Variants in CHODL observed in about 807,000 individuals in gnomAD.
CHODL encodes chondrolectin.
Under a neutral mutation model 34.5 loss-of-function variants are expected in CHODL, and 29 were observed. The ratio of observed to expected loss-of-function variants is 0.84; its 90% CI spans 0.63 to 1.15. The LOEUF (loss-of-function observed/expected upper bound fraction) is 1.15, where lower values mean the gene tolerates loss of function less well. Ranked by LOEUF, CHODL falls within the 50% of genes most tolerant of loss-of-function variation. CHODL has a pLI of 0.00. For missense variants in CHODL, 332 were observed against 332.5 expected (o/e 1.00, Z 0.01); for synonymous variants, 125 against 116.1 (o/e 1.08, Z -0.49).
chr21:18,206,298 T>C (rs565925107), intron 2 of CHODL, among the ~76,000 whole-genome samples: 1 of 152,326 alleles, frequency 6.6e-6, no homozygotes, highest in South Asian at 2.1e-4. Flanking sequence ...AATATTTGCT[T>C]TGTATATCAG....
chr21:18,055,017 C>T (rs2064561859), intron 2 of CHODL, among the ~76,000 whole-genome samples: 1 of 151,862 alleles, frequency 6.6e-6, no homozygotes, highest in African/African-American at 2.4e-5. Flanking sequence ...TTCATTGACC[C>T]TGTTTTAAAT....
At chr21:18,174,524 G>A (rs921175394) in intron 2 of CHODL, among the ~76,000 whole-genome samples, 17 of 152,152 alleles carry the variant, frequency 1.1e-4, no homozygotes, top group Admixed American at 3.3e-4. Flanking sequence ...AAGTTTATAA[G>A]CTTTTCTTAA....
intron 2 of CHODL, among the ~76,000 whole-genome samples, chr21:18,198,665 C>G (rs1212485871): frequency 6.6e-6 from 1 of 152,012 alleles, no homozygotes; most frequent in East Asian, 1.9e-4. Flanking sequence ...AAAAGACATT[C>G]CTGAGATAGA....
chr21:18,224,920 G>T (rs757922130), intron 2 of CHODL, among the ~76,000 whole-genome samples: 1 of 151,964 alleles, frequency 6.6e-6, no homozygotes, highest in Non-Finnish European at 1.5e-5. Context: ...AGGGAGGCTG[G>T]TATTATTCAT....
intron 2 of CHODL, among the ~76,000 whole-genome samples, chr21:18,112,398 A>G (rs1456220405): frequency 6.6e-6 from 1 of 152,146 alleles, no homozygotes; most frequent in Non-Finnish European, 1.5e-5. Context: ...ATTCTTGACA[A>G]AAATTGAAAA....
chr21:18,123,452 A>G (rs992807902), intron 2 of CHODL, among the ~76,000 whole-genome samples: 2 of 152,198 alleles, frequency 1.3e-5, no homozygotes, highest in Admixed American at 1.3e-4. Context: ...ACAGAATAGT[A>G]TAAATAGGCT....
At chr21:17,945,155 T>C (rs1370703692) in intron 1 of CHODL, among the ~76,000 whole-genome samples, 3 of 147,728 alleles carry the variant, frequency 2.0e-5, no homozygotes, top group Non-Finnish European at 3.0e-5. Context: ...GAGCTTGCAG[T>C]GAGCCGAGAT....
At chr21:17,917,405 GT>G (rs1438847404) in intron 1 of CHODL, 1 of 152,116 alleles carries the variant, frequency 6.6e-6, no homozygotes, top group Admixed American at 6.5e-5. Context: ...TCCCTGGTAA[GT>G]CCCCTCTCAC....
chr21:18,234,450 T>A (rs1042599757), intron 2 of CHODL, among the ~76,000 whole-genome samples: 1 of 152,160 alleles, frequency 6.6e-6, no homozygotes, highest in Non-Finnish European at 1.5e-5. Context: ...GTTTTTTTCC[T>A]ACCTTTTCAG....
chr21:18,083,171 T>C (rs1234116441), intron 2 of CHODL, among the ~76,000 whole-genome samples: 1 of 152,190 alleles, frequency 6.6e-6, no homozygotes, highest in Non-Finnish European at 1.5e-5. Flanking sequence ...TCCAAGCCAC[T>C]CCAGCTCCAG....
chr21:17,927,858 T>C (rs2063241155), intron 1 of CHODL, among the ~76,000 whole-genome samples: 1 of 152,208 alleles, frequency 6.6e-6, no homozygotes, highest in African/African-American at 2.4e-5. Flanking sequence ...AGACCTCAAA[T>C]GATAAATGAA....
At chr21:18,198,938 G>C (rs2073620743) in intron 2 of CHODL, among the ~76,000 whole-genome samples, 1 of 151,988 alleles carries the variant, frequency 6.6e-6, no homozygotes, top group Non-Finnish European at 1.5e-5. Flanking sequence ...AAAATTACTA[G>C]GAAACAGCAT....
At chr21:18,128,362 T>TAAACAAAC (rs1037569608) in intron 2 of CHODL, among the ~76,000 whole-genome samples, 3 of 90,256 alleles carry the variant, frequency 3.3e-5, no homozygotes, top group African/African-American at 1.2e-4. Flanking sequence ...AAGAAGAACC[T>TAAACAAAC]AAACAAACTA....
chr21:18,119,329 C>T (rs77963375), intron 2 of CHODL, among the ~76,000 whole-genome samples: 3,277 of 152,000 alleles, frequency 0.022, 104 homozygotes, highest in East Asian at 0.11. Flanking sequence ...TGGAATGTTC[C>T]ATTAACTCCC....
chr21:18,193,508 A>G (rs2073538254), intron 2 of CHODL, among the ~76,000 whole-genome samples: 1 of 151,904 alleles, frequency 6.6e-6, no homozygotes, highest in Admixed American at 6.6e-5. Flanking sequence ...ATCCTGCCCA[A>G]CATGGTGAAA....
chr21:18,122,939 C>T (rs569009350), intron 2 of CHODL, among the ~76,000 whole-genome samples: 5 of 152,222 alleles, frequency 3.3e-5, no homozygotes, highest in African/African-American at 7.2e-5. Context: ...TGTTTGTGTA[C>T]GTTTACACAA....
chr21:17,958,073 G>C (rs923258834), intron 1 of CHODL, among the ~76,000 whole-genome samples: 1 of 151,652 alleles, frequency 6.6e-6, no homozygotes, highest in African/African-American at 2.4e-5. Context: ...TTTTTCTTAC[G>C]CCTAACCAAG....
chr21:18,151,136 T>C (rs2072962496), intron 2 of CHODL, among the ~76,000 whole-genome samples: 1 of 151,010 alleles, frequency 6.6e-6, no homozygotes, highest in Non-Finnish European at 1.5e-5. Context: ...CCTTGTCTTA[T>C]GGTAGGTCAT....
At chr21:18,116,924 A>G (rs542066985) in intron 2 of CHODL, among the ~76,000 whole-genome samples, 1 of 152,322 alleles carries the variant, frequency 6.6e-6, no homozygotes, top group East Asian at 1.9e-4. Context: ...TGGAGCACCA[A>G]GGGAAGCCAG....
Sources: gnomAD v4.1 joint callset for allele counts (sites outside exome capture counted in the v4.1 genomes callset) on GRCh38, gnomAD v4.1.1 for gene constraint, MANE v1.5 for transcripts, NCBI Gene and HGNC (gene_info 2026-07-23, HGNC 2026-07-21) for gene names.